PUDP: variants seen among roughly 807,000 people sequenced by gnomAD.
PUDP encodes pseudouridine-5'-phosphatase.
Under a neutral mutation model 9.4 loss-of-function variants are expected in PUDP, and 8 were observed. The ratio of observed to expected loss-of-function variants is 0.85; its 90% CI spans 0.50 to 1.53. The LOEUF (loss-of-function observed/expected upper bound fraction) is 1.53, where lower values mean the gene tolerates loss of function less well. Ranked by LOEUF, PUDP falls within the 40% of genes most tolerant of loss-of-function variation. The pLI, the probability that PUDP is intolerant of heterozygous loss-of-function variation, is 0.00. For synonymous variants in PUDP, 99 were observed against 80.7 expected (o/e 1.23, Z -1.22); for missense variants, 188 against 189.7 (o/e 0.99, Z 0.05).
intron 3 of PUDP, among the ~76,000 whole-genome samples, chrX:6,733,120 A>G (rs1924830273): frequency 8.9e-6 from 1 of 112,261 alleles, no homozygotes; most frequent in African/African-American, 3.2e-5. Flanking sequence ...TCATCCACTT[A>G]CGCTTGAAGC....
intron 1 of PUDP, among the ~76,000 whole-genome samples, chrX:7,019,654 T>TC (rs1436504546): frequency 1.0e-3 from 113 of 111,919 alleles, no homozygotes; most frequent in African/African-American, 3.5e-3. Context: ...CTTCTCTTCC[T>TC]CCCATAGCCT....
chrX:6,824,234 T>A (rs1473755637), intron 3 of PUDP, among the ~76,000 whole-genome samples: 1 of 111,475 alleles, frequency 9.0e-6, no homozygotes, highest in Admixed American at 9.5e-5. Flanking sequence ...GCTCGACACT[T>A]CTCCTTGCTG....
At chrX:6,865,504 G>A (rs779089667) in intron 3 of PUDP, among the ~76,000 whole-genome samples, 2 of 112,120 alleles carry the variant, frequency 1.8e-5, no homozygotes, top group South Asian at 7.5e-4. Flanking sequence ...TCAATTTTGG[G>A]AACTGAACCA....
At chrX:7,074,923 T>C (rs1200858836) in intron 3 of PUDP, among the ~76,000 whole-genome samples, 2 of 112,157 alleles carry the variant, frequency 1.8e-5, no homozygotes, top group Non-Finnish European at 1.9e-5. Flanking sequence ...CGTTAAGCAA[T>C]TGCAGTCAAG....
chrX:6,851,052 T>C (rs1041251185), intron 3 of PUDP, among the ~76,000 whole-genome samples: 2 of 112,412 alleles, frequency 1.8e-5, no homozygotes, highest in Non-Finnish European at 3.8e-5. Context: ...TACAGATATA[T>C]AAATATATAT....
rs888495197 is a variant in PUDP at position 6,755,531 on chromosome X, A to G, written c.*248-49065T>C. On this transcript the variant is annotated intron_variant and NMD_transcript_variant, in intron 3 of 3. Coordinates refer to the PUDP transcript ENST00000655425. ...ATTCCCGAATTTTTAAGAAGTCTCC[A>G]TACCTTGTATTTACAACATGCTCTC... Among the ~76,000 whole-genome samples, 4 of 112,024 alleles carry G rather than the reference A, an allele frequency of 3.6e-5. No individual in the cohort carries two copies. The Admixed American group carries it at 3.8e-4, about 11-fold the overall frequency.
At chrX:6,924,288 A>C (rs1928068729) in intron 3 of PUDP, among the ~76,000 whole-genome samples, 1 of 111,794 alleles carries the variant, frequency 8.9e-6, no homozygotes, top group African/African-American at 3.3e-5. Context: ...TGTATCTCTT[A>C]TGACAAGGAG....
At chrX:6,847,752 C>T (rs1168928466) in intron 3 of PUDP, among the ~76,000 whole-genome samples, 1 of 111,763 alleles carries the variant, frequency 8.9e-6, no homozygotes, top group African/African-American at 3.3e-5. Flanking sequence ...TTTATTATTC[C>T]TCACATATCT....
Position 7,116,383 on chromosome X carries a change from G to A in PUDP, c.62-10545C>T, listed in dbSNP as rs146709817. 2.7e-5 allele frequency among the ~76,000 whole-genome samples: 3 copies of A among 111,638 alleles called. No homozygotes were observed. In the East Asian group the frequency reaches 8.5e-4, roughly 32 times the overall value. ...AGCTGGCCAAGGACCCTGGGCTGCC[G>A]ACTAGACTCATGGGATGAGTGTGGC... On this transcript the variant is annotated intron_variant, in intron 1 of 3. Transcript: ENST00000381077.
chrX:6,846,481 A>G (rs1053989226), intron 3 of PUDP, among the ~76,000 whole-genome samples: 6 of 109,345 alleles, frequency 5.5e-5, no homozygotes, highest in Middle Eastern at 4.7e-3. Context: ...TAACTCAGGT[A>G]GACACAGGGG....
At chrX:6,970,169 A>T (rs1285767237) in intron 3 of PUDP, among the ~76,000 whole-genome samples, 1 of 112,204 alleles carries the variant, frequency 8.9e-6, no homozygotes, top group Non-Finnish European at 1.9e-5. Flanking sequence ...GCAATAATAA[A>T]ATAAATAAGT....
chrX:7,108,246 A>C lies in PUDP; in HGVS notation c.62-2408T>G, dbSNP rs1415366870. Among the ~76,000 whole-genome samples, 19 of 112,367 alleles carry C rather than the reference A, an allele frequency of 1.7e-4. No homozygotes were observed. The Admixed American group carries it at 1.8e-3, about 11-fold the overall frequency. ...GCCTTATACTCAGAGGACTGGGCTC[A>C]CTGACTGCTTTGGCTGCCACGGTGT... is the stretch of plus-strand genomic sequence containing the variant. On this transcript the variant is annotated intron_variant, in intron 1 of 3. Coordinates refer to ENST00000381077, the MANE Select transcript of PUDP (RefSeq NM_012080.5).
chrX:6,725,012 C>G (rs990600003), upstream of PUDP, among the ~76,000 whole-genome samples: 3 of 111,638 alleles, frequency 2.7e-5, no homozygotes, highest in Middle Eastern at 4.6e-3. Flanking sequence ...CGTCCTTTCC[C>G]CTAATTTTCA....
intron 1 of PUDP, among the ~76,000 whole-genome samples, chrX:6,998,528 C>T (rs965413171): frequency 5.5e-5 from 6 of 108,832 alleles, no homozygotes; most frequent in South Asian, 3.9e-4. Flanking sequence ...TTTCTCCAGC[C>T]GAAAAAAAAA....
In PUDP at chrX:6,794,431, C is replaced by T. The variant is rs891935012; in HGVS notation, c.*248-87965G>A. On this transcript the variant is annotated intron_variant and NMD_transcript_variant, in intron 3 of 3. Transcript: ENST00000655425. The stretch of plus-strand genomic sequence containing the variant: ...TTTGCCATGAATGGAGCTCGCAGGA[C>T]TGGAAGTTATTCTGGGTGAGTCAGT... Among the ~76,000 whole-genome samples, 52 of 111,997 alleles carry T rather than the reference C, an allele frequency of 4.6e-4. No individual in the cohort carries two copies. The Admixed American group carries it at 4.7e-3, about 10-fold the overall frequency.
chrX:6,964,664 A>G (rs189332013), intron 3 of PUDP, among the ~76,000 whole-genome samples: 1 of 111,325 alleles, frequency 9.0e-6, no homozygotes, highest in East Asian at 2.8e-4. Context: ...ACAAAGCAAG[A>G]CTATGTCTCA....
intron 2 of PUDP, among the ~76,000 whole-genome samples, chrX:7,103,825 C>G (rs1931805353): frequency 8.9e-6 from 1 of 111,889 alleles, no homozygotes; most frequent in Non-Finnish European, 1.9e-5. Context: ...ATCAGATATG[C>G]AAATCAAAAC....
At chrX:7,084,562 C>T (rs1931208766) in intron 2 of PUDP, among the ~76,000 whole-genome samples, 2 of 111,907 alleles carry the variant, frequency 1.8e-5, no homozygotes, top group African/African-American at 6.5e-5. Context: ...ATGGCCCCTG[C>T]ACTACACAAC....
At chrX:6,801,144 TAAAAAG>T (rs770456023) in intron 3 of PUDP, among the ~76,000 whole-genome samples, 2 of 111,746 alleles carry the variant, frequency 1.8e-5, no homozygotes, top group Non-Finnish European at 1.9e-5. Context: ...TGCAGCTACT[TAAAAAG>T]AAAAAGAAAA....
Sources: gnomAD v4.1 joint callset for allele counts (sites outside exome capture counted in the v4.1 genomes callset) on GRCh38, gnomAD v4.1.1 for gene constraint, MANE v1.5 for transcripts, NCBI Gene and HGNC (gene_info 2026-07-23, HGNC 2026-07-21) for gene names.